Variants in CCDC85A observed in about 807,000 individuals in gnomAD.
CCDC85A encodes the protein coiled-coil domain-containing protein 85A.
CCDC85A carries 38 observed loss-of-function variants against 50.2 expected under a neutral mutation model. The observed-to-expected ratio is 0.76, with a 90% CI of 0.58 to 0.99. CCDC85A has a LOEUF of 0.99. Among genes scored for constraint, CCDC85A ranks in the 50% least tolerant of loss-of-function variants. The pLI is 0.00. For synonymous variants in CCDC85A, 366 were observed against 301.4 expected (o/e 1.21, Z -2.22); for missense variants, 820 against 742.0 (o/e 1.11, Z -1.22).
At chr2:56,373,379 TA>T (rs113972496) in intron 4 of CCDC85A, among the ~76,000 whole-genome samples, 4,219 of 138,122 alleles carry the variant, frequency 0.031, 74 homozygotes, top group African/African-American at 0.057. Flanking sequence ...ACTACTTTCA[TA>T]AAAAAAAAAA....
intron 2 of CCDC85A, among the ~76,000 whole-genome samples, chr2:56,313,197 A>T (rs995173055): frequency 6.6e-6 from 1 of 151,136 alleles, no homozygotes; most frequent in Non-Finnish European, 1.5e-5. Flanking sequence ...TTTTGTTGTA[A>T]CTCTGTCTTC....
rs1412916870 is a variant in CCDC85A at position 56,184,112 on chromosome 2, C to A, written c.-513C>A. On this transcript the variant is annotated 5_prime_UTR_variant, in exon 1 of 6. Transcript: ENST00000407595. ...GGCAGCCGCGGCGGCGTCGCTAGAG[C>A]AGCCGGGGAGGCGCCGCGGTGCCCG... is the stretch of plus-strand genomic sequence containing the variant. 4.1e-6 allele frequency: 4 copies of A among 975,592 alleles called. No individual in the cohort carries two copies. The highest frequency in any genetic ancestry group is 1.1e-4 in the East Asian group (1 of 8,720). The allele number at this position is 975,592 out of a possible 1,614,324, so 60.4% of individuals were successfully genotyped here.
chr2:56,230,483 T>A (rs993229814), intron 2 of CCDC85A, among the ~76,000 whole-genome samples: 1 of 152,216 alleles, frequency 6.6e-6, no homozygotes, highest in South Asian at 2.1e-4. Flanking sequence ...GAAATATTGC[T>A]GCTAAACTAC....
At chr2:56,324,802 G>GT (rs1673385228) in intron 2 of CCDC85A, among the ~76,000 whole-genome samples, 1 of 152,000 alleles carries the variant, frequency 6.6e-6, no homozygotes, top group African/African-American at 2.4e-5. Flanking sequence ...CAAGAGGCAT[G>GT]TACCTTAGTT....
chr2:56,344,204 T>G (rs923971232), intron 3 of CCDC85A, among the ~76,000 whole-genome samples: 3 of 152,308 alleles, frequency 2.0e-5, no homozygotes, highest in Middle Eastern at 3.4e-3. Context: ...ATTCATGAAT[T>G]AGACACAGTA....
At chr2:56,320,312 G>C (rs1276844747) in intron 2 of CCDC85A, among the ~76,000 whole-genome samples, 1 of 151,984 alleles carries the variant, frequency 6.6e-6, no homozygotes, top group East Asian at 1.9e-4. Flanking sequence ...AGGAGATAGA[G>C]ACACAAAAAA....
intron 2 of CCDC85A, among the ~76,000 whole-genome samples, chr2:56,275,983 A>G (rs924005263): frequency 6.6e-6 from 1 of 152,204 alleles, no homozygotes; most frequent in African/African-American, 2.4e-5. Flanking sequence ...GGCTAGCCTC[A>G]TGATGTTTCC....
rs544896958 is a variant in CCDC85A at position 56,382,988 on chromosome 2, C to G, written c.1573-1278C>G. Among the ~76,000 whole-genome samples, 3 of 152,030 alleles carry G rather than the reference C, an allele frequency of 2.0e-5. No homozygotes were observed. In the South Asian group the frequency reaches 6.2e-4, roughly 32 times the overall value. On this transcript the variant is annotated intron_variant, in intron 5 of 5. Coordinates refer to ENST00000407595, the MANE Select transcript of CCDC85A (RefSeq NM_001080433.2). ...TCAATTTATTAAGAAATGAGACTTT[C>G]CTAAGTCTCTTGTGTATAGCTTGAG...
intron 2 of CCDC85A, among the ~76,000 whole-genome samples, chr2:56,279,489 CT>C (rs1205515144): frequency 2.0e-5 from 3 of 152,128 alleles, no homozygotes; most frequent in Non-Finnish European, 4.4e-5. Context: ...CTTTCTGTCT[CT>C]ATAAACTTGC....
intron 2 of CCDC85A, among the ~76,000 whole-genome samples, chr2:56,201,381 G>T (rs1312906325): frequency 6.6e-6 from 1 of 152,134 alleles, no homozygotes; most frequent in Non-Finnish European, 1.5e-5. Flanking sequence ...AGTGGTCTCT[G>T]ATACTCCCTG....
At chr2:56,337,899 C>T (rs564060246) in intron 2 of CCDC85A, among the ~76,000 whole-genome samples, 2 of 152,124 alleles carry the variant, frequency 1.3e-5, no homozygotes, top group East Asian at 3.9e-4. Context: ...ATTCTCCTGC[C>T]TCAGCCTCCC....
intron 2 of CCDC85A, among the ~76,000 whole-genome samples, chr2:56,267,874 G>A (rs932077916): frequency 4.6e-5 from 7 of 152,136 alleles, no homozygotes; most frequent in African/African-American, 1.4e-4. Context: ...AGGTGAAATG[G>A]GTAGTGGTGT....
At chr2:56,215,257 A>G (rs1558588035) in intron 2 of CCDC85A, among the ~76,000 whole-genome samples, 1 of 151,914 alleles carries the variant, frequency 6.6e-6, no homozygotes, top group Non-Finnish European at 1.5e-5. Context: ...TTTCAGTTCC[A>G]AAAGGTTTTC....
chr2:56,369,188 A>G (rs920126289), intron 3 of CCDC85A, among the ~76,000 whole-genome samples: 2 of 152,148 alleles, frequency 1.3e-5, no homozygotes, highest in African/African-American at 4.8e-5. Flanking sequence ...ACAGTGTAAA[A>G]AAGTTAAATG....
At chr2:56,238,711 G>T (rs1243219892) in intron 2 of CCDC85A, among the ~76,000 whole-genome samples, 2 of 152,014 alleles carry the variant, frequency 1.3e-5, no homozygotes, top group African/African-American at 4.8e-5. Flanking sequence ...TCTTGCCAAG[G>T]AATTGATCAT....
chr2:56,377,587 G>A (rs1573373373), intron 5 of CCDC85A, among the ~76,000 whole-genome samples: 1 of 152,166 alleles, frequency 6.6e-6, no homozygotes, highest in African/African-American at 2.4e-5. Flanking sequence ...GGGAGGGCAA[G>A]GAAGAGCTCC....
At chr2:56,352,440 G>C (rs1430829721) in intron 3 of CCDC85A, among the ~76,000 whole-genome samples, 1 of 152,096 alleles carries the variant, frequency 6.6e-6, no homozygotes, top group Admixed American at 6.5e-5. Flanking sequence ...CCGCCTCCCT[G>C]GTTCGAGTGA....
chr2:56,358,197 G>C (rs1675333278), intron 3 of CCDC85A, among the ~76,000 whole-genome samples: 1 of 152,102 alleles, frequency 6.6e-6, no homozygotes. Context: ...CGTAGTATTG[G>C]GGTCTGAATA....
intron 2 of CCDC85A, among the ~76,000 whole-genome samples, chr2:56,268,183 A>G (rs1348342601): frequency 1.3e-5 from 2 of 152,208 alleles, no homozygotes; most frequent in Non-Finnish European, 2.9e-5. Context: ...TTTCACATAT[A>G]TATCAGGAAT....
Sources: allele counts gnomAD v4.1 joint callset (sites outside exome capture counted in the v4.1 genomes callset), GRCh38; gene constraint gnomAD v4.1.1; transcripts MANE v1.5; gene names NCBI Gene and HGNC (gene_info 2026-07-23, HGNC 2026-07-21).